The following CD81 variants were observed in gnomAD, a reference collection of about 807,000 sequenced individuals.
The protein encoded by CD81 is CD81 antigen.
Under a neutral mutation model 30.1 loss-of-function variants are expected in CD81, and 10 were observed. That is an observed-to-expected ratio of 0.33 (90% CI 0.21 to 0.56). The LOEUF is 0.56. Ranked by LOEUF, CD81 falls within the 20% of genes least tolerant of loss-of-function variation. The pLI, the probability that CD81 is intolerant of heterozygous loss-of-function variation, is 0.89. For synonymous variants in CD81, 147 were observed against 126.4 expected, an observed-to-expected ratio of 1.16 and a Z score of -1.10; for missense variants, 263 against 308.7, an observed-to-expected ratio of 0.85 and a Z score of 1.11.
intron 1 of CD81, among the ~76,000 whole-genome samples, chr11:2,381,710 T>C (rs1236433231): frequency 6.6e-6 from 1 of 152,174 alleles, no homozygotes; most frequent in Non-Finnish European, 1.5e-5. Context: ...GCCCTGCCCC[T>C]TGCTTGGGCC....
At position 2,386,195 on chromosome 11, in the gene CD81, A is replaced by T. The variant is rs115277960; in HGVS notation, c.67-4217A>T. ...TCATGTGCTTTTTTGCTGTGTGTGG[A>T]TCTTGCGGGGAAGGGTCTGTTCCTG... On this transcript the variant is annotated intron_variant, in intron 1 of 7. Transcript: ENST00000263645. The T allele has an allele frequency of 4.1e-3, 2,971 of 716,474 alleles. 62 individuals are homozygous for T. The African/African-American group carries it at 0.046, about 11-fold the overall frequency. The allele number at this position is 716,474 out of a possible 1,614,324, so 44.4% of individuals were successfully genotyped here.
At chr11:2,396,599 T>C (rs1402980178) in intron 6 of CD81, 29 bp from the exon 7 acceptor site, 3 of 1,592,082 alleles carry the variant, frequency 1.9e-6, no homozygotes, top group South Asian at 2.2e-5. Flanking sequence ...GCCCGGTCCC[T>C]GACCACGCGT....
At chr11:2,395,356 C>T (rs1187416533) in intron 4 of CD81, 60 bp from the exon 5 acceptor site, 34 of 1,128,592 alleles carry the variant, frequency 3.0e-5, no homozygotes, top group South Asian at 9.9e-5. Context: ...TGGGGCGGGG[C>T]GGGGTGGGGG....
At chr11:2,396,197 C>T (rs1849999172) in intron 6 of CD81, 1 of 609,108 alleles carries the variant, frequency 1.6e-6, no homozygotes, top group South Asian at 1.8e-5. Flanking sequence ...GGTGGAGGCT[C>T]TGGGGGGTGG....
chr11:2,387,819 C>G (rs530384813), intron 1 of CD81, among the ~76,000 whole-genome samples: 2 of 152,224 alleles, frequency 1.3e-5, no homozygotes, highest in South Asian at 2.1e-4. Context: ...GGGGCCTGGG[C>G]GGGGGAAGTA....
Position 2,377,573 on chromosome 11 carries a change from G to T in CD81, c.24G>T (p.Lys8Asn). Residue 8 changes from lysine to asparagine, a missense_variant, in exon 1 of 8, where the codon AAG becomes AAT. Transcript: ENST00000263645. This position sits in a 1 kb window ranked among gnomAD's most constrained non-coding sequence, Gnocchi z 7.7. MGVEGCT[K>N]CIKYLLFVFN... ...CCATGGGAGTGGAGGGCTGCACCAA[G>T]TGCATCAAGTACCTGCTCTTCGTCT... The T allele has an allele frequency of 6.6e-7, 1 of 1,525,028 alleles. No homozygotes were observed. Among genetic ancestry groups the T allele is most frequent in the South Asian group, 1.2e-5 (1 of 84,048 alleles). 94.5% of individuals were successfully genotyped at this position (1,525,028 alleles called of 1,614,324 possible). A position where few individuals can be genotyped will look rare whatever the true frequency, so the allele number is the denominator to read the frequency against.
intron 1 of CD81, among the ~76,000 whole-genome samples, chr11:2,382,151 T>A (rs530236071): frequency 6.6e-6 from 1 of 152,328 alleles, no homozygotes; most frequent in African/African-American, 2.4e-5. Flanking sequence ...TTTGGGGCTG[T>A]AGGCTTCCTG....
At chr11:2,389,921 G>A (rs1008716042) in intron 1 of CD81, among the ~76,000 whole-genome samples, 4 of 152,088 alleles carry the variant, frequency 2.6e-5, no homozygotes, top group Non-Finnish European at 5.9e-5. Context: ...CTCTTGGGGC[G>A]CTGCCACACC....
chr11:2,378,664 G>A lies in CD81; in HGVS notation c.66+1049G>A, dbSNP rs1564987983. Among the ~76,000 whole-genome samples the A allele has an allele frequency of 6.6e-6, 1 of 152,180 alleles. No individual in the cohort carries two copies. Among genetic ancestry groups the A allele is most frequent in the Non-Finnish European group, 1.5e-5 (1 of 68,020 alleles). ...AGGACTGGAGTGGGTGTCCATGGCCGCGGCCTCCCCGTGGCCACGCCCCTG... is the reference window on the plus strand; with the variant it reads ...AGGACTGGAGTGGGTGTCCATGGCCACGGCCTCCCCGTGGCCACGCCCCTG... On this transcript the variant is annotated intron_variant, in intron 1 of 7. Coordinates refer to ENST00000263645, the MANE Select transcript of CD81 (RefSeq NM_004356.4). This position sits in a 1 kb window ranked among gnomAD's most constrained non-coding sequence, Gnocchi z 4.9.
chr11:2,396,115 A>G, intron 6 of CD81, 145 bp downstream of exon 6: 13 of 446,244 alleles, frequency 2.9e-5, no homozygotes, highest in East Asian at 7.1e-5. Context: ...CTCTGCTGGG[A>G]GGGTTGGGGT....
intron 1 of CD81, among the ~76,000 whole-genome samples, chr11:2,381,003 T>C (rs1849695620): frequency 6.6e-6 from 1 of 152,214 alleles, no homozygotes; most frequent in Admixed American, 6.5e-5. Context: ...ATGACTGTCA[T>C]TTGGCACGTC....
chr11:2,387,753 T>C (rs901811192), intron 1 of CD81, among the ~76,000 whole-genome samples: 16 of 152,306 alleles, frequency 1.1e-4, no homozygotes, highest in African/African-American at 3.6e-4. Context: ...CAGGTGTATG[T>C]TGGGCCCTTG....
At chr11:2,385,592 TGTGGCATGCC>T (rs1849780106) in intron 1 of CD81, 1 of 255,962 alleles carries the variant, frequency 3.9e-6, no homozygotes, top group African/African-American at 2.5e-5. Flanking sequence ...CCGTCGTCTG[TGTGGCATGCC>T]TGTCTGTGCA....
chr11:2,383,031 G>A (rs748975359), intron 1 of CD81, among the ~76,000 whole-genome samples: 8 of 152,210 alleles, frequency 5.3e-5, no homozygotes, highest in Non-Finnish European at 1.2e-4. Context: ...AGCATCCTCT[G>A]AGCATGTGTG....
Position 2,385,614 on chromosome 11 carries a change from CCG to C in CD81, c.67-4797_67-4796del, listed in dbSNP as rs1234904754. 9.6e-5 allele frequency: 6 copies of C among 62,394 alleles called. 1 individual carries two copies. Among genetic ancestry groups the C allele is most frequent in the South Asian group, 6.5e-4 (5 of 7,650 alleles). 3.9% of individuals were successfully genotyped at this position (62,394 alleles called of 1,614,324 possible). The stretch of plus-strand genomic sequence containing the variant: ...CTGTGTGGCATGCCTGTCTGTGCAC[CCG>C]TGCTGTGGCGTGCCCGTCGTCTGTG... On this transcript the variant is annotated intron_variant, in intron 1 of 7. Transcript: ENST00000263645.
At position 2,396,860 on chromosome 11, in the gene CD81, G is replaced by T. The variant is rs747007924; in HGVS notation, c.705G>T (p.Val235=). The T allele has an allele frequency of 3.1e-6, 5 of 1,612,710 alleles. No individual in the cohort carries two copies. Among genetic ancestry groups the T allele is most frequent in the Admixed American group, 3.3e-5 (2 of 60,024 alleles). Reference sequence around the variant, plus strand: ...GCTGTGGCATCCGGAACAGCTCCGTGTACTGAGGCCCCGCAGCTCTGGCCA... The same window carrying T: ...GCTGTGGCATCCGGAACAGCTCCGTTTACTGAGGCCCCGCAGCTCTGGCCA... The part of the protein sequence containing the change: ...VLCCGIRNSS[V]Y The change falls in exon 8 of 8, where the codon GTG becomes GTT. Residue 235 remains valine (V), a synonymous_variant. Transcript: ENST00000263645.
rs1485580308 is a variant in CD81 at position 2,390,658 on chromosome 11, G to C, written c.181+132G>C. On this transcript the variant is annotated intron_variant, in intron 2 of 7. Coordinates refer to ENST00000263645, the MANE Select transcript of CD81 (RefSeq NM_004356.4). The stretch of plus-strand genomic sequence containing the variant: ...CGTGTCCGGGCAGGGAGGCGGCCCT[G>C]GAAAGGGCTCTGGGCACAAGGGTTG... 9.7e-6 allele frequency: 7 copies of C among 724,540 alleles called. No individual in the cohort carries two copies. The Admixed American group carries it at 1.0e-4, about 10-fold the overall frequency. The allele number at this position is 724,540 out of a possible 1,614,324, so 44.9% of individuals were successfully genotyped here.
At position 2,377,759 on chromosome 11, in the gene CD81, G is replaced by C; in HGVS notation, c.66+144G>C. Reference sequence around the variant, plus strand: ...CACCTGTGGGCTCCAGGAGCGGGGTGGGGGGTCGCCCGGGGCCACCGCGCC... The same window carrying C: ...CACCTGTGGGCTCCAGGAGCGGGGTCGGGGGTCGCCCGGGGCCACCGCGCC... On this transcript the variant is annotated intron_variant, in intron 1 of 7. Coordinates refer to ENST00000263645, the MANE Select transcript of CD81 (RefSeq NM_004356.4). This position sits in a 1 kb window ranked among gnomAD's most constrained non-coding sequence, Gnocchi z 7.7. The C allele has an allele frequency of 3.0e-6, 1 of 328,668 alleles. No individual in the cohort carries two copies. The highest frequency in any genetic ancestry group is 5.4e-6 in the Non-Finnish European group (1 of 186,824). 20.4% of individuals were successfully genotyped at this position (328,668 alleles called of 1,614,324 possible). A position where few individuals can be genotyped will look rare whatever the true frequency, so the allele number is the denominator to read the frequency against.
Position 2,377,349 on chromosome 11 carries a change from C to T in CD81, c.-201C>T, listed in dbSNP as rs1430852615. 6.7e-6 allele frequency: 1 copy of T among 150,148 alleles called. No homozygotes were observed. The highest frequency in any genetic ancestry group is 2.4e-5 in the African/African-American group (1 of 41,006). The allele number at this position is 150,148 out of a possible 1,614,324, so 9.3% of individuals were successfully genotyped here. A position where few individuals can be genotyped will look rare whatever the true frequency, so the allele number is the denominator to read the frequency against. On this transcript the variant is annotated 5_prime_UTR_variant, in exon 1 of 8. Coordinates refer to ENST00000263645, the MANE Select transcript of CD81 (RefSeq NM_004356.4). The surrounding 1 kb of genome is among the most constrained non-coding windows in gnomAD (Gnocchi z 7.7). ...CGCGCAACGGCGGCGACGGCGGCGACCCCACCGCGCATCCTGCCAGGCCTC... is the reference window on the plus strand; with the variant it reads ...CGCGCAACGGCGGCGACGGCGGCGATCCCACCGCGCATCCTGCCAGGCCTC...
Sources: gnomAD v4.1 joint callset for allele counts (sites outside exome capture counted in the v4.1 genomes callset) on GRCh38, gnomAD v4.1.1 for gene constraint, Gnocchi (gnomAD v3.1) non-coding constraint, MANE v1.5 for transcripts, NCBI Gene and HGNC (gene_info 2026-07-23, HGNC 2026-07-21) for gene names.